CHCHD3: variants seen among roughly 807,000 people sequenced by gnomAD.
CHCHD3 encodes MICOS complex subunit MIC19.
A neutral mutation model predicts 38.2 loss-of-function variants in CHCHD3; 20 were observed. The observed-to-expected ratio is 0.52, with a 90% confidence interval of 0.37 to 0.76. CHCHD3 has a LOEUF of 0.76. Ranked by LOEUF, CHCHD3 falls within the 30% of genes least tolerant of loss-of-function variation. The pLI is 0.00. For missense variants in CHCHD3, 245 were observed against 279.2 expected, an observed-to-expected ratio of 0.88 and a Z score of 0.87; for synonymous variants, 82 against 100.0, an observed-to-expected ratio of 0.82 and a Z score of 1.07.
intron 4 of CHCHD3, among the ~76,000 whole-genome samples, chr7:132,951,076 T>C (rs1474816927): frequency 6.6e-6 from 1 of 152,192 alleles, no homozygotes; most frequent in Non-Finnish European, 1.5e-5. Context: ...TTTCTCTTTC[T>C]GAGGCAAAAA....
chr7:132,863,424 T>C (rs1808542153), intron 5 of CHCHD3, among the ~76,000 whole-genome samples: 1 of 152,226 alleles, frequency 6.6e-6, no homozygotes. Context: ...TAAACAGACG[T>C]GCTACCATCC....
At chr7:132,982,769 G>T (rs1811951430) in intron 3 of CHCHD3, among the ~76,000 whole-genome samples, 1 of 152,090 alleles carries the variant, frequency 6.6e-6, no homozygotes, top group African/African-American at 2.4e-5. Flanking sequence ...TAAAATTGAG[G>T]CCTACAGAAC....
intron 3 of CHCHD3, among the ~76,000 whole-genome samples, chr7:132,978,351 T>G (rs1346837442): frequency 6.6e-6 from 1 of 152,130 alleles, no homozygotes; most frequent in African/African-American, 2.4e-5. Context: ...AAATCACAAA[T>G]TGACTCTACT....
Position 133,039,155 on chromosome 7 carries a change from C to A in CHCHD3, c.170-14528G>T, listed in dbSNP as rs114240272. ...TTTTAAGTTGCTTAGTCCATGCACA[C>A]GCCACAATCAACTGGCTAAGACAAA... is the stretch of plus-strand genomic sequence containing the variant. On this transcript the variant is annotated intron_variant, in intron 2 of 7. Coordinates refer to ENST00000262570, the MANE Select transcript of CHCHD3 (RefSeq NM_017812.4). 1.6e-4 allele frequency among the ~76,000 whole-genome samples: 25 copies of A among 152,142 alleles called. 1 individual carries two copies. In the South Asian group the frequency reaches 5.2e-3, roughly 32 times the overall value.
chr7:133,020,946 G>A (rs1285932686), intron 3 of CHCHD3, among the ~76,000 whole-genome samples: 1 of 148,480 alleles, frequency 6.7e-6, no homozygotes, highest in East Asian at 2.1e-4. Flanking sequence ...TTTTGGTGGG[G>A]GGAGAACGGA....
intron 5 of CHCHD3, among the ~76,000 whole-genome samples, chr7:132,848,615 A>C (rs1282005337): frequency 6.6e-6 from 1 of 152,156 alleles, no homozygotes; most frequent in South Asian, 2.1e-4. Context: ...TTTTTTAATC[A>C]GTAATAGTCC....
At chr7:133,040,904 A>G (rs1357210723) in intron 2 of CHCHD3, among the ~76,000 whole-genome samples, 3 of 152,224 alleles carry the variant, frequency 2.0e-5, no homozygotes, top group Admixed American at 1.3e-4. Context: ...TCCCAGGGTA[A>G]GTAAGCCATA....
intron 4 of CHCHD3, chr7:132,887,128 A>T (rs1012001093): frequency 1.2e-4 from 48 of 408,048 alleles, no homozygotes; most frequent in Middle Eastern, 6.2e-4. Context: ...AATAAAAAGG[A>T]AATGCTTAAC....
chr7:132,851,487 G>T (rs1160101226), intron 5 of CHCHD3, among the ~76,000 whole-genome samples: 2 of 152,152 alleles, frequency 1.3e-5, no homozygotes, highest in Non-Finnish European at 2.9e-5. Flanking sequence ...TTCTCCCTGT[G>T]ATAAAGCAGT....
At chr7:133,036,635 G>A (rs1813685052) in intron 2 of CHCHD3, among the ~76,000 whole-genome samples, 1 of 152,192 alleles carries the variant, frequency 6.6e-6, no homozygotes, top group South Asian at 2.1e-4. Context: ...AGAGACCTGT[G>A]TTCTCCTGAC....
intron 3 of CHCHD3, among the ~76,000 whole-genome samples, chr7:132,979,112 A>G (rs1341160904): frequency 6.6e-6 from 1 of 152,182 alleles, no homozygotes; most frequent in African/African-American, 2.4e-5. Flanking sequence ...GAACTACTAT[A>G]TAATCTTATG....
At chr7:133,034,714 C>A (rs761636510) in intron 2 of CHCHD3, 56 of 1,613,294 alleles carry the variant, frequency 3.5e-5, no homozygotes, top group Non-Finnish European at 4.1e-5. Flanking sequence ...CTGCCAGGAT[C>A]CAGTTTCCGC....
intron 1 of CHCHD3, among the ~76,000 whole-genome samples, chr7:133,071,745 TACA>T (rs1176791361): frequency 6.6e-6 from 1 of 152,180 alleles, no homozygotes; most frequent in Non-Finnish European, 1.5e-5. Context: ...TACATATCCA[TACA>T]ACACTATACA....
chr7:132,886,878 T>C (rs978365030), intron 4 of CHCHD3: 3 of 712,882 alleles, frequency 4.2e-6, no homozygotes, highest in African/African-American at 1.8e-5. Context: ...GATCAAGTAT[T>C]GTCTGTTTCA....
chr7:132,795,221 T>C (rs770350830), intron 7 of CHCHD3, among the ~76,000 whole-genome samples: 1 of 152,220 alleles, frequency 6.6e-6, no homozygotes, highest in Non-Finnish European at 1.5e-5. Context: ...GAAAAATCCA[T>C]GAATCAACCT....
At chr7:132,821,848 C>T (rs936620873) in intron 6 of CHCHD3, among the ~76,000 whole-genome samples, 1 of 150,140 alleles carries the variant, frequency 6.7e-6, no homozygotes, top group Non-Finnish European at 1.5e-5. Flanking sequence ...CTGCAAGCTC[C>T]GCTTCCCGGG....
chr7:133,007,822 A>C (rs1812741314), intron 3 of CHCHD3, among the ~76,000 whole-genome samples: 1 of 152,178 alleles, frequency 6.6e-6, no homozygotes, highest in Non-Finnish European at 1.5e-5. Context: ...TCAACATCTG[A>C]TATTATATGT....
At chr7:132,868,980 C>G (rs981526869) in intron 5 of CHCHD3, among the ~76,000 whole-genome samples, 4 of 152,098 alleles carry the variant, frequency 2.6e-5, no homozygotes, top group Non-Finnish European at 4.4e-5. Flanking sequence ...ATAACTCAGT[C>G]TGTACTTACT....
At chr7:133,061,923 A>G (rs1717893664) in intron 2 of CHCHD3, among the ~76,000 whole-genome samples, 1 of 152,190 alleles carries the variant, frequency 6.6e-6, no homozygotes, top group African/African-American at 2.4e-5. Flanking sequence ...CAAAGTGTCA[A>G]GTAGCCCTGG....
Sources: gnomAD v4.1 joint callset for allele counts (sites outside exome capture counted in the v4.1 genomes callset) on GRCh38, gnomAD v4.1.1 for gene constraint, MANE v1.5 for transcripts, NCBI Gene and HGNC (gene_info 2026-07-23, HGNC 2026-07-21) for gene names.